ZNF385B: variants seen among roughly 807,000 people sequenced by gnomAD.
The protein encoded by ZNF385B is zinc finger protein 533.
Under a neutral mutation model 39.2 loss-of-function variants are expected in ZNF385B, and 23 were observed. The observed-to-expected ratio is 0.59, with a 90% CI of 0.42 to 0.83. The LOEUF is 0.83. Among genes scored for constraint, ZNF385B ranks in the 40% least tolerant of loss-of-function variants. The pLI, the probability that ZNF385B is intolerant of heterozygous loss-of-function variation, is 0.00. For synonymous variants in ZNF385B, 205 were observed against 222.6 expected (o/e 0.92, Z 0.70); for missense variants, 552 against 598.9 (o/e 0.92, Z 0.82).
chr2:179,687,914 C>A (rs2106337613), intron 3 of ZNF385B, among the ~76,000 whole-genome samples: 1 of 152,314 alleles, frequency 6.6e-6, no homozygotes, highest in East Asian at 1.9e-4. Flanking sequence ...ATGGCACATA[C>A]TGGAGTCATA....
At chr2:179,831,058 G>A (rs757753342) in intron 1 of ZNF385B, among the ~76,000 whole-genome samples, 16 of 151,858 alleles carry the variant, frequency 1.1e-4, no homozygotes, top group Admixed American at 3.9e-4. Context: ...TTATTTTCAG[G>A]CAGTTAAAGA....
intron 3 of ZNF385B, among the ~76,000 whole-genome samples, chr2:179,616,546 T>A (rs1186849234): frequency 6.6e-6 from 1 of 152,002 alleles, no homozygotes; most frequent in Non-Finnish European, 1.5e-5. Flanking sequence ...AAAAGACATA[T>A]TAATCAATGA....
chr2:179,794,080 T>C (rs1056578981), intron 1 of ZNF385B, among the ~76,000 whole-genome samples: 3 of 152,220 alleles, frequency 2.0e-5, no homozygotes, highest in Admixed American at 1.3e-4. Flanking sequence ...TATGCCTTTC[T>C]GTGTTGCCTC....
chr2:179,677,595 T>G (rs1335723644), intron 3 of ZNF385B, among the ~76,000 whole-genome samples: 1 of 152,186 alleles, frequency 6.6e-6, no homozygotes. Context: ...GAAAGGCAAA[T>G]AAACATTTTT....
intron 3 of ZNF385B, among the ~76,000 whole-genome samples, chr2:179,741,834 C>G (rs899303840): frequency 6.6e-6 from 1 of 152,032 alleles, no homozygotes; most frequent in Admixed American, 6.6e-5. Context: ...GCAAGTTACT[C>G]TGCCTCTCGG....
chr2:179,773,758 G>A (rs1346109821), intron 1 of ZNF385B, among the ~76,000 whole-genome samples: 1 of 152,176 alleles, frequency 6.6e-6, no homozygotes, highest in Non-Finnish European at 1.5e-5. Flanking sequence ...GAGAAATACA[G>A]AGGAGAAAAC....
At chr2:179,599,468 C>A (rs952774417) in intron 3 of ZNF385B, among the ~76,000 whole-genome samples, 1 of 152,150 alleles carries the variant, frequency 6.6e-6, no homozygotes, top group Non-Finnish European at 1.5e-5. Context: ...TAGGGAAATG[C>A]TTTAATCTTC....
At chr2:179,762,343 C>T (rs889955719) in intron 3 of ZNF385B, among the ~76,000 whole-genome samples, 1 of 152,112 alleles carries the variant, frequency 6.6e-6, no homozygotes, top group African/African-American at 2.4e-5. Context: ...GCACTCACTA[C>T]TATGCCCAGC....
intron 5 of ZNF385B, among the ~76,000 whole-genome samples, chr2:179,503,085 G>C (rs2056913777): frequency 6.6e-6 from 1 of 152,116 alleles, no homozygotes; most frequent in African/African-American, 2.4e-5. Context: ...ATGTTGCCTA[G>C]GCTGGTCTGG....
chr2:179,518,748 A>C, intron 4 of ZNF385B, 110 bp from the exon 5 acceptor site: 1 of 577,338 alleles, frequency 1.7e-6, no homozygotes, highest in Admixed American at 3.5e-5. Context: ...TTTAGTTCCT[A>C]AACAAAGATA....
chr2:179,685,165 GA>G (rs1697826803), intron 3 of ZNF385B, among the ~76,000 whole-genome samples: 1 of 152,198 alleles, frequency 6.6e-6, no homozygotes, highest in Non-Finnish European at 1.5e-5. Flanking sequence ...CTTGCTTAAT[GA>G]AAAGTGGCTG....
At chr2:179,577,302 C>A (rs1685947066) in intron 3 of ZNF385B, among the ~76,000 whole-genome samples, 1 of 152,018 alleles carries the variant, frequency 6.6e-6, no homozygotes, top group Non-Finnish European at 1.5e-5. Flanking sequence ...ATATTTTTTC[C>A]ATTTAAAGCT....
intron 5 of ZNF385B, among the ~76,000 whole-genome samples, chr2:179,494,927 T>C (rs949293897): frequency 6.6e-6 from 1 of 152,174 alleles, no homozygotes; most frequent in African/African-American, 2.4e-5. Context: ...GTATATTTAT[T>C]TTATTATTGT....
intron 1 of ZNF385B, among the ~76,000 whole-genome samples, chr2:179,792,375 C>CTTTTTTTTTTTTTTTTTTTTTTTTT (rs374147864): frequency 4.0e-5 from 5 of 124,124 alleles, no homozygotes; most frequent in African/African-American, 1.6e-4. Context: ...ATTTTCTTTT[C>CTTTTTTTTTTTTTTTTTTTTTTTTT]TTTTTTTTTT....
chr2:179,709,799 G>A (rs548860090), intron 3 of ZNF385B, among the ~76,000 whole-genome samples: 1 of 152,298 alleles, frequency 6.6e-6, no homozygotes, highest in African/African-American at 2.4e-5. Context: ...GTGGCAGGGA[G>A]ACTACCTAGA....
intron 3 of ZNF385B, among the ~76,000 whole-genome samples, chr2:179,597,508 C>A (rs1340975391): frequency 1.3e-5 from 2 of 152,136 alleles, no homozygotes; most frequent in African/African-American, 4.8e-5. Context: ...TAATCTGTAT[C>A]CTTCACAGTC....
chr2:179,535,198 TA>T (rs2059487799), intron 4 of ZNF385B, among the ~76,000 whole-genome samples: 1 of 152,192 alleles, frequency 6.6e-6, no homozygotes, highest in African/African-American at 2.4e-5. Context: ...TTTTCTATAA[TA>T]CCACTCAGAT....
chr2:179,818,261 A>G (rs2106578111), intron 1 of ZNF385B, among the ~76,000 whole-genome samples: 1 of 152,330 alleles, frequency 6.6e-6, no homozygotes, highest in East Asian at 1.9e-4. Flanking sequence ...CGACATAATG[A>G]CAGGTCCCTC....
At chr2:179,512,598 T>G (rs1253335372) in intron 5 of ZNF385B, among the ~76,000 whole-genome samples, 1 of 152,190 alleles carries the variant, frequency 6.6e-6, no homozygotes, top group Non-Finnish European at 1.5e-5. Flanking sequence ...CTTATCAATT[T>G]ATGACCATAC....
Sources: allele counts gnomAD v4.1 joint callset (sites outside exome capture counted in the v4.1 genomes callset), GRCh38; gene constraint gnomAD v4.1.1; transcripts MANE v1.5; gene names NCBI Gene and HGNC (gene_info 2026-07-23, HGNC 2026-07-21).